LDLRAD3: variants seen among roughly 807,000 people sequenced by gnomAD.
LDLRAD3 encodes low density lipoprotein receptor class A domain containing 3.
A neutral mutation model predicts 29.4 loss-of-function variants in LDLRAD3; 20 were observed. The ratio of observed to expected loss-of-function variants is 0.68; its 90% CI spans 0.48 to 0.99. LDLRAD3 has a LOEUF of 0.99. Among genes scored for constraint, LDLRAD3 ranks in the 50% least tolerant of loss-of-function variants. The pLI is 0.00. For missense variants in LDLRAD3, 420 were observed against 454.3 expected (o/e 0.92, Z 0.69); for synonymous variants, 157 against 192.7 (o/e 0.81, Z 1.53).
intron 1 of LDLRAD3, among the ~76,000 whole-genome samples, chr11:35,990,649 C>G (rs529954192): frequency 3.9e-5 from 6 of 152,036 alleles, no homozygotes; most frequent in African/African-American, 1.4e-4. Context: ...CTCCTGGCCT[C>G]AAATGATCTG....
chr11:36,141,796 G>T (rs879677924), intron 4 of LDLRAD3, among the ~76,000 whole-genome samples: 1 of 152,212 alleles, frequency 6.6e-6, no homozygotes, highest in East Asian at 1.9e-4. Flanking sequence ...ACCTGAAGAG[G>T]TAGCTGGCTG....
At chr11:36,068,737 C>T (rs12799443) in intron 2 of LDLRAD3, among the ~76,000 whole-genome samples, 44,818 of 152,014 alleles carry the variant, frequency 0.29, 8,086 homozygotes, top group Middle Eastern at 0.41. Context: ...AGGATGGTCT[C>T]GATCTCCTGA....
At position 36,213,034 on chromosome 11, in the gene LDLRAD3, G is replaced by GTC. The variant is rs1002355666; in HGVS notation, c.455-14042_455-14041dup. On this transcript the variant is annotated intron_variant, in intron 4 of 5. Transcript: ENST00000315571. This position sits in a 1 kb window ranked among gnomAD's most constrained non-coding sequence, Gnocchi z 4.1. ...CAGTTTAGAACTTTCTTCTCTCTCT[G>GTC]TCTCTCTCTCCCCCACCCCTCTCTT... 2.0e-5 allele frequency among the ~76,000 whole-genome samples: 3 copies of GTC among 147,768 alleles called. No individual in the cohort carries two copies. The highest frequency in any genetic ancestry group is 7.9e-5 in the African/African-American group (3 of 37,818).
At chr11:36,114,759 G>A (rs968590409) in intron 4 of LDLRAD3, among the ~76,000 whole-genome samples, 9 of 152,094 alleles carry the variant, frequency 5.9e-5, no homozygotes, top group African/African-American at 2.2e-4. Context: ...TATTTGTGGG[G>A]ACGTGACTCC....
rs529917966 is a variant in LDLRAD3, at chr11:36,102,808, G to A, written c.454+4347G>A. Among the ~76,000 whole-genome samples the A allele has an allele frequency of 6.6e-5, 10 of 152,274 alleles. No homozygotes were observed. The South Asian group carries it at 2.1e-3, about 32-fold the overall frequency. On this transcript the variant is annotated intron_variant, in intron 4 of 5. Transcript: ENST00000315571. ...GGAGGGACACATCTGAGAGTTAGCA[G>A]GTCCTGCCATATACATGTTGGGGGT...
At chr11:35,996,006 T>C (rs897904942) in intron 1 of LDLRAD3, among the ~76,000 whole-genome samples, 1 of 152,262 alleles carries the variant, frequency 6.6e-6, no homozygotes, top group Non-Finnish European at 1.5e-5. Flanking sequence ...TAAGGCTGTT[T>C]TGCTTTCTTA....
At chr11:36,158,508 A>C (rs891597489) in intron 4 of LDLRAD3, among the ~76,000 whole-genome samples, 24 of 117,050 alleles carry the variant, frequency 2.1e-4, no homozygotes, top group Admixed American at 2.6e-4. Flanking sequence ...TCTTCGTTCC[A>C]CTTACCATGT....
Position 36,229,647 on chromosome 11 carries a change from C to A in LDLRAD3, c.*250C>A. ...TTCCCTTGGGACCCGAGATCACACCCTCATTTTTCACATTATTCTGTTTCT... is the reference window on the plus strand; with the variant it reads ...TTCCCTTGGGACCCGAGATCACACCATCATTTTTCACATTATTCTGTTTCT... On this transcript the variant is annotated 3_prime_UTR_variant, in exon 6 of 6. Coordinates refer to ENST00000315571, the MANE Select transcript of LDLRAD3 (RefSeq NM_174902.4). 2.0e-6 allele frequency: 1 copy of A among 505,794 alleles called. No homozygotes were observed. Among genetic ancestry groups the A allele is most frequent in the Non-Finnish European group, 3.5e-6 (1 of 284,464 alleles). The allele number at this position is 505,794 out of a possible 1,614,324, so 31.3% of individuals were successfully genotyped here. A position where few individuals can be genotyped will look rare whatever the true frequency, so the allele number is the denominator to read the frequency against.
chr11:36,168,344 G>A (rs563819376), intron 4 of LDLRAD3, among the ~76,000 whole-genome samples: 1 of 152,216 alleles, frequency 6.6e-6, no homozygotes, highest in African/African-American at 2.4e-5. Context: ...CCTGATGCTT[G>A]TTTTTAACAG....
intron 2 of LDLRAD3, among the ~76,000 whole-genome samples, chr11:36,052,267 T>G (rs1422650739): frequency 1.3e-5 from 2 of 152,206 alleles, no homozygotes; most frequent in Non-Finnish European, 2.9e-5. Flanking sequence ...GATGGTGACA[T>G]GATATGGGTT....
chr11:35,958,375 T>A (rs1189547109), intron 1 of LDLRAD3, among the ~76,000 whole-genome samples: 2 of 152,138 alleles, frequency 1.3e-5, no homozygotes, highest in African/African-American at 4.8e-5. Flanking sequence ...AACAGATGAT[T>A]CAAATTTGTA....
chr11:36,111,065 A>C (rs971571361), intron 4 of LDLRAD3, among the ~76,000 whole-genome samples: 1 of 152,254 alleles, frequency 6.6e-6, no homozygotes, highest in East Asian at 1.9e-4. Context: ...GTTAGGGTGC[A>C]TTGAGGCTGA....
intron 4 of LDLRAD3, among the ~76,000 whole-genome samples, chr11:36,218,107 A>G (rs1201621178): frequency 6.6e-6 from 1 of 152,230 alleles, no homozygotes; most frequent in African/African-American, 2.4e-5. Context: ...AGAATAGGGT[A>G]AGAGCTGCCA....
intron 1 of LDLRAD3, among the ~76,000 whole-genome samples, chr11:36,033,067 T>C (rs1357553545): frequency 1.3e-5 from 2 of 151,888 alleles, no homozygotes; most frequent in Admixed American, 1.3e-4. Context: ...AGAGAAGGGG[T>C]TTCACCATGT....
At chr11:35,991,228 T>G (rs1371209998) in intron 1 of LDLRAD3, among the ~76,000 whole-genome samples, 1 of 152,220 alleles carries the variant, frequency 6.6e-6, no homozygotes, top group Non-Finnish European at 1.5e-5. Context: ...TTGTCTAACT[T>G]AGCCTAGTAC....
intron 4 of LDLRAD3, 55 bp from the exon 5 acceptor site, chr11:36,227,030 A>G (rs1262070097): frequency 1.5e-5 from 21 of 1,382,658 alleles, no homozygotes; most frequent in Non-Finnish European, 2.1e-5. Context: ...TGAAACACAA[A>G]GATTAGCCAA....
chr11:36,079,500 A>G (rs960846566), intron 2 of LDLRAD3, among the ~76,000 whole-genome samples: 6 of 152,246 alleles, frequency 3.9e-5, no homozygotes, highest in African/African-American at 1.4e-4. Flanking sequence ...AGCCCAAGGT[A>G]GTAGATATCA....
intron 4 of LDLRAD3, among the ~76,000 whole-genome samples, chr11:36,165,038 T>G (rs979085755): frequency 2.0e-5 from 3 of 152,248 alleles, no homozygotes; most frequent in Non-Finnish European, 2.9e-5. Flanking sequence ...CATTTCCTGC[T>G]TCCATAAATA....
chr11:36,066,930 C>T (rs1305666470), intron 2 of LDLRAD3, among the ~76,000 whole-genome samples: 1 of 152,188 alleles, frequency 6.6e-6, no homozygotes, highest in African/African-American at 2.4e-5. Flanking sequence ...CAGGATAATT[C>T]CAGACTCCTG....
Sources: gnomAD v4.1 joint callset for allele counts (sites outside exome capture counted in the v4.1 genomes callset) on GRCh38, gnomAD v4.1.1 for gene constraint, Gnocchi (gnomAD v3.1) non-coding constraint, MANE v1.5 for transcripts, NCBI Gene and HGNC (gene_info 2026-07-23, HGNC 2026-07-21) for gene names.